The following LCOR variants were observed in gnomAD, a reference collection of about 807,000 sequenced individuals.
LCOR encodes the protein ligand dependent nuclear receptor corepressor.
LCOR carries 14 observed loss-of-function variants against 64.4 expected under a neutral mutation model. That is an observed-to-expected ratio of 0.22 (90% CI 0.14 to 0.34). The LOEUF is 0.34. LCOR is among the 10% of genes least tolerant of loss of function. The probability of loss-of-function intolerance (pLI) is 1.00; values close to 1 mark genes in which losing one functional copy is unlikely to be tolerated. For missense variants in LCOR, 1,686 were observed against 1,765.3 expected (o/e 0.96, Z 0.80); for synonymous variants, 643 against 642.5 (o/e 1.00, Z -0.01).
At chr10:96,883,181 G>A (rs917306543) in intron 2 of LCOR, among the ~76,000 whole-genome samples, 2 of 151,998 alleles carry the variant, frequency 1.3e-5, no homozygotes, top group East Asian at 1.9e-4. Context: ...TTACAGGCGC[G>A]TGCCACCACC....
intron 7 of LCOR, chr10:96,957,195 G>A: frequency 1.0e-6 from 1 of 984,086 alleles, no homozygotes; most frequent in Non-Finnish European, 1.2e-6. Flanking sequence ...ATTTAATTTT[G>A]TTGGTTAGAA....
chr10:96,957,724 C>G, intron 7 of LCOR: 1 of 985,396 alleles, frequency 1.0e-6, no homozygotes, highest in Non-Finnish European at 1.2e-6. Flanking sequence ...AGTTTTCCCT[C>G]AGCAACCTGT....
At chr10:96,837,607 A>G (rs1422380358) in intron 2 of LCOR, among the ~76,000 whole-genome samples, 1 of 152,166 alleles carries the variant, frequency 6.6e-6, no homozygotes, top group African/African-American at 2.4e-5. Flanking sequence ...CATCCACAAG[A>G]GTATTATCTT....
chr10:96,873,292 A>AG (rs1335933841), intron 2 of LCOR, among the ~76,000 whole-genome samples: 2 of 152,258 alleles, frequency 1.3e-5, no homozygotes, highest in African/African-American at 4.8e-5. Context: ...AAACATTATG[A>AG]GGGGAAAAAA....
chr10:96,873,038 G>A (rs529668355), intron 2 of LCOR, among the ~76,000 whole-genome samples: 1 of 151,522 alleles, frequency 6.6e-6, no homozygotes, highest in Admixed American at 6.6e-5. Context: ...CATAGACACA[G>A]ATAGGGTGAG....
Position 96,989,578 on chromosome 10 carries a change from G to A in LCOR, c.*4444G>A, listed in dbSNP as rs1218165444. ...CAAATAAAACATAGAGGCTTTTGAA[G>A]TGCTTTAATATTGATTTAAAAAATT... On this transcript the variant is annotated 3_prime_UTR_variant, in exon 8 of 8. Transcript: ENST00000421806. 6.7e-6 allele frequency: 1 copy of A among 148,860 alleles called. No individual in the cohort carries two copies. Among genetic ancestry groups the A allele is most frequent in the Non-Finnish European group, 1.5e-5 (1 of 67,642 alleles). The allele number at this position is 148,860 out of a possible 1,614,324, so 9.2% of individuals were successfully genotyped here.
chr10:96,875,557 AAC>A (rs1846149895), intron 2 of LCOR, among the ~76,000 whole-genome samples: 1 of 151,974 alleles, frequency 6.6e-6, no homozygotes, highest in South Asian at 2.1e-4. Flanking sequence ...GCCTTCTTCA[AAC>A]CACGTGTTTG....
Position 96,857,862 on chromosome 10 carries a change from A to G in LCOR, c.-330+24383A>G, listed in dbSNP as rs116032172. ...TCTCCAAGATATCTGATCCCAGGCT[A>G]TTGCTTCAGTTTCACCTCTCTCTCT... is the stretch of plus-strand genomic sequence containing the variant. On this transcript the variant is annotated intron_variant, in intron 2 of 7. Transcript: ENST00000421806. 3.3e-3 allele frequency among the ~76,000 whole-genome samples: 506 copies of G among 152,244 alleles called. 3 individuals are homozygous for G. The highest frequency in any genetic ancestry group is 0.012 in the African/African-American group (483 of 41,538).
intron 2 of LCOR, among the ~76,000 whole-genome samples, chr10:96,895,627 A>G (rs1846523733): frequency 1.3e-5 from 2 of 152,180 alleles, no homozygotes; most frequent in Non-Finnish European, 2.9e-5. Context: ...TCATACCTCT[A>G]AATCTCTTAC....
intron 7 of LCOR, among the ~76,000 whole-genome samples, chr10:96,978,067 T>G (rs889449413): frequency 2.0e-5 from 3 of 152,224 alleles, no homozygotes; most frequent in African/African-American, 7.2e-5. Flanking sequence ...CTGTAGCCTG[T>G]AACACATATT....
intron 2 of LCOR, among the ~76,000 whole-genome samples, chr10:96,836,749 G>T (rs1439979533): frequency 6.6e-6 from 1 of 152,202 alleles, no homozygotes; most frequent in Admixed American, 6.5e-5. Context: ...AATGGCATGA[G>T]CAAAAGTGGA....
At chr10:96,844,548 C>G (rs1435558715) in intron 2 of LCOR, among the ~76,000 whole-genome samples, 1 of 152,170 alleles carries the variant, frequency 6.6e-6, no homozygotes, top group South Asian at 2.1e-4. Flanking sequence ...CTGGCTTTGA[C>G]TAGAATACCT....
rs1267305237 is a variant in LCOR at position 96,983,568 on chromosome 10, G to A, written c.3108G>A (p.Leu1036=). Residue 1036 remains leucine (L), a synonymous_variant, in exon 8 of 8, where the codon TTG becomes TTA. Coordinates refer to ENST00000421806, the MANE Select transcript of LCOR (RefSeq NM_001346516.2). The surrounding 1 kb of genome is among the most constrained non-coding windows in gnomAD (Gnocchi z 4.5). ...APKSVPRPKR[L]TSSTYNLRHA... ...AATCGGTGCCAAGGCCTAAAAGATT[G>A]ACCTCTTCAACCTACAACCTAAGAC... The A allele has an allele frequency of 6.2e-7, 1 of 1,614,038 alleles. No homozygotes were observed. Among genetic ancestry groups the A allele is most frequent in the East Asian group, 2.2e-5 (1 of 44,886 alleles).
chr10:96,847,844 T>TAACGTAAAAAGAAAGAAACTG (rs1324672791), intron 2 of LCOR, among the ~76,000 whole-genome samples: 5 of 152,174 alleles, frequency 3.3e-5, no homozygotes, highest in African/African-American at 1.2e-4. Context: ...GTTCTGTAGT[T>TAACGTAAAAAGAAAGAAACTG]AACGTAAAAA....
chr10:96,942,238 G>C (rs555300515), intron 4 of LCOR, among the ~76,000 whole-genome samples: 2 of 151,754 alleles, frequency 1.3e-5, no homozygotes, highest in Non-Finnish European at 3.0e-5. Context: ...TTAGGAGCTG[G>C]AGACCAGCCC....
intron 4 of LCOR, among the ~76,000 whole-genome samples, chr10:96,923,800 CTCTT>C (rs1475466388): frequency 6.6e-6 from 1 of 152,162 alleles, no homozygotes; most frequent in Non-Finnish European, 1.5e-5. Flanking sequence ...CTTAACAGTT[CTCTT>C]TATCAGGGGT....
chr10:96,832,874 C>T (rs1011232870), intron 1 of LCOR: 10 of 541,930 alleles, frequency 1.8e-5, no homozygotes, highest in African/African-American at 1.0e-4. Flanking sequence ...CCTGCGCCAC[C>T]CCTCCCCCAC....
At chr10:96,912,071 A>G (rs1321186075) in intron 4 of LCOR, among the ~76,000 whole-genome samples, 1 of 151,894 alleles carries the variant, frequency 6.6e-6, no homozygotes, top group Non-Finnish European at 1.5e-5. Flanking sequence ...AGCTGTTATT[A>G]CAGACACATG....
intron 2 of LCOR, among the ~76,000 whole-genome samples, chr10:96,902,481 A>T (rs552096463): frequency 6.6e-6 from 1 of 152,376 alleles, no homozygotes; most frequent in Admixed American, 6.5e-5. Flanking sequence ...ATTGCTCATT[A>T]TCTATAGAAG....
Sources: allele counts gnomAD v4.1 joint callset (sites outside exome capture counted in the v4.1 genomes callset), GRCh38; gene constraint gnomAD v4.1.1; non-coding constraint Gnocchi (gnomAD v3.1); transcripts MANE v1.5; gene names NCBI Gene and HGNC (gene_info 2026-07-23, HGNC 2026-07-21).